SRGAP3: variants seen among roughly 807,000 people sequenced by gnomAD.
SRGAP3 encodes SLIT-ROBO Rho GTPase activating protein 3, also known as SLIT-ROBO Rho GTPase-activating protein 3.
In SRGAP3, 39 loss-of-function variants were observed where a neutral mutation model predicts 121.1. The observed-to-expected ratio is 0.32, with a 90% CI of 0.25 to 0.42. SRGAP3 has a LOEUF of 0.42. SRGAP3 is among the 10% of genes least tolerant of loss of function. The probability of loss-of-function intolerance (pLI) is 1.00; values close to 1 mark genes in which losing one functional copy is unlikely to be tolerated. For synonymous variants in SRGAP3, 601 were observed against 570.0 expected (o/e 1.05, Z -0.77); for missense variants, 1,213 against 1,470.6 (o/e 0.82, Z 2.86).
chr3:9,227,795 C>T (rs1953043993), intron 1 of SRGAP3, among the ~76,000 whole-genome samples: 2 of 152,196 alleles, frequency 1.3e-5, no homozygotes, highest in African/African-American at 4.8e-5. Flanking sequence ...TCATTCCCCT[C>T]AGGGGTTGGG....
In SRGAP3 at chr3:9,248,956, T is replaced by C. The variant is rs759854955; in HGVS notation, c.-5A>G. 2 of 1,614,166 alleles carry C rather than the reference T, an allele frequency of 1.2e-6. No homozygotes were observed. The highest frequency in any genetic ancestry group is 1.3e-5 in the African/African-American group (1 of 75,060). ...GAACTTAGTTTGAGATGACATCTTCTGACGTGGCCAAAGGAACTGACAGGC... is the reference window on the plus strand; with the variant it reads ...GAACTTAGTTTGAGATGACATCTTCCGACGTGGCCAAAGGAACTGACAGGC... On this transcript the variant is annotated 5_prime_UTR_variant, in exon 1 of 22. Coordinates refer to ENST00000383836, the MANE Select transcript of SRGAP3 (RefSeq NM_014850.4).
chr3:9,068,276 C>T (rs887024633), intron 4 of SRGAP3, among the ~76,000 whole-genome samples: 11 of 152,194 alleles, frequency 7.2e-5, no homozygotes, highest in Non-Finnish European at 1.5e-4. Context: ...ATGCATCCAT[C>T]CACTCTCTCA....
rs1941628654 is a variant in SRGAP3 at position 8,985,422 on chromosome 3, A to G, written c.*97T>C. On this transcript the variant is annotated 3_prime_UTR_variant, in exon 22 of 22. Transcript: ENST00000383836. This position sits in a 1 kb window ranked among gnomAD's most constrained non-coding sequence, Gnocchi z 5.1. ...CCTCCCAGACGGACCTCTGCCCTCC[A>G]AGGCCAGGGTCACTGGGAAGCACGT... 2.6e-6 allele frequency: 4 copies of G among 1,562,098 alleles called. No homozygotes were observed. The African/African-American group carries it at 4.1e-5, about 16-fold the overall frequency.
chr3:9,192,198 G>C (rs1333392465), intron 1 of SRGAP3, among the ~76,000 whole-genome samples: 1 of 152,174 alleles, frequency 6.6e-6, no homozygotes, highest in Non-Finnish European at 1.5e-5. Flanking sequence ...ACTGGCCCTT[G>C]ACCAGCCCCC....
chr3:9,350,452 A>C (rs1208605874), intron 1 of SRGAP3, among the ~76,000 whole-genome samples: 4 of 152,232 alleles, frequency 2.6e-5, no homozygotes, highest in Admixed American at 2.6e-4. Context: ...GTAAAGCATC[A>C]TCTTCAGGGC....
chr3:9,172,082 CT>C (rs61278616), intron 1 of SRGAP3, among the ~76,000 whole-genome samples: 23,030 of 144,144 alleles, frequency 0.16, 1,902 homozygotes, highest in Non-Finnish European at 0.23. Context: ...TTCCAAATGA[CT>C]TTTTCTTTTC....
rs150867789 is a variant in SRGAP3, at chr3:9,179,495, G to T, written c.68-54578C>A. Reference sequence around the variant, plus strand: ...CTGGCAAATGTTAGTTATTGATGCTGCTGATGTTGAAAATGTCATCAGATG... The same window carrying T: ...CTGGCAAATGTTAGTTATTGATGCTTCTGATGTTGAAAATGTCATCAGATG... On this transcript the variant is annotated intron_variant, in intron 1 of 21. Transcript: ENST00000383836. Among the ~76,000 whole-genome samples the T allele has an allele frequency of 1.7e-3, 260 of 152,336 alleles. 2 individuals are homozygous for T. The highest frequency in any genetic ancestry group is 5.9e-3 in the African/African-American group (245 of 41,582).
At chr3:9,044,564 A>G (rs910132236) in intron 10 of SRGAP3, among the ~76,000 whole-genome samples, 9 of 152,228 alleles carry the variant, frequency 5.9e-5, no homozygotes, top group East Asian at 3.8e-4. Flanking sequence ...TAACCACAAG[A>G]AACTGAAACC....
intron 1 of SRGAP3, among the ~76,000 whole-genome samples, chr3:9,157,792 C>A (rs990416222): frequency 3.3e-5 from 5 of 152,198 alleles, no homozygotes; most frequent in Non-Finnish European, 4.4e-5. Flanking sequence ...CTATAACCCA[C>A]ACATATGTAT....
chr3:9,054,816 G>A (rs764129099), intron 8 of SRGAP3, among the ~76,000 whole-genome samples: 4 of 152,162 alleles, frequency 2.6e-5, no homozygotes, highest in Non-Finnish European at 5.9e-5. Context: ...ACAATGTTTG[G>A]CACATAGTAT....
intron 1 of SRGAP3, among the ~76,000 whole-genome samples, chr3:9,337,181 T>G (rs1559282831): frequency 6.6e-6 from 1 of 152,172 alleles, no homozygotes; most frequent in Non-Finnish European, 1.5e-5. Flanking sequence ...CTTCAACTGG[T>G]TTTATGAGGC....
At chr3:9,080,793 C>G (rs1328167200) in intron 3 of SRGAP3, among the ~76,000 whole-genome samples, 1 of 152,140 alleles carries the variant, frequency 6.6e-6, no homozygotes, top group Non-Finnish European at 1.5e-5. Flanking sequence ...TTATGAAAAT[C>G]TAATGCAGGA....
intron 1 of SRGAP3, among the ~76,000 whole-genome samples, chr3:9,173,639 G>A (rs903092086): frequency 2.6e-5 from 4 of 151,984 alleles, no homozygotes; most frequent in South Asian, 2.1e-4. Flanking sequence ...CAACTCTGTC[G>A]CAATCCAGTG....
intron 3 of SRGAP3, among the ~76,000 whole-genome samples, chr3:9,284,171 A>G (rs1954727578): frequency 6.6e-6 from 1 of 152,206 alleles, no homozygotes; most frequent in Non-Finnish European, 1.5e-5. Flanking sequence ...TCACAACTCA[A>G]CAGTCACACA....
intron 2 of SRGAP3, among the ~76,000 whole-genome samples, chr3:9,112,530 CA>C (rs753818374): frequency 5.3e-5 from 8 of 152,170 alleles, no homozygotes; most frequent in Non-Finnish European, 8.8e-5. Context: ...ATCAGATAAT[CA>C]CAAAAATCAA....
intron 1 of SRGAP3, among the ~76,000 whole-genome samples, chr3:9,145,536 A>G (rs1374322246): frequency 5.9e-5 from 9 of 152,188 alleles, no homozygotes; most frequent in Non-Finnish European, 1.2e-4. Flanking sequence ...TCCATATTCA[A>G]TCATTCATTT....
chr3:9,233,141 T>C (rs541513885), intron 1 of SRGAP3, among the ~76,000 whole-genome samples: 1 of 152,326 alleles, frequency 6.6e-6, no homozygotes, highest in African/African-American at 2.4e-5. Flanking sequence ...GTGCTGGAAA[T>C]TCTGACTTAT....
chr3:9,212,967 G>A (rs1330219554), intron 1 of SRGAP3, among the ~76,000 whole-genome samples: 1 of 152,214 alleles, frequency 6.6e-6, no homozygotes, highest in Non-Finnish European at 1.5e-5. Context: ...TGGTGACTTG[G>A]AGCCCACTGG....
chr3:9,056,448 G>T, intron 7 of SRGAP3, 114 bp from the exon 8 acceptor site: 1 of 1,123,468 alleles, frequency 8.9e-7, no homozygotes, highest in African/African-American at 1.5e-5. Flanking sequence ...CAGGGGCTCG[G>T]AAAGGTTGAG....
Sources: gnomAD v4.1 joint callset for allele counts (sites outside exome capture counted in the v4.1 genomes callset) on GRCh38, gnomAD v4.1.1 for gene constraint, Gnocchi (gnomAD v3.1) non-coding constraint, MANE v1.5 for transcripts, NCBI Gene and HGNC (gene_info 2026-07-23, HGNC 2026-07-21) for gene names.